PTPRD: variants seen among roughly 807,000 people sequenced by gnomAD.
PTPRD encodes the protein receptor-type tyrosine-protein phosphatase delta.
A neutral mutation model predicts 214.5 loss-of-function variants in PTPRD; 34 were observed. That is an observed-to-expected ratio of 0.16 (90% CI 0.12 to 0.21). PTPRD has a LOEUF of 0.21. Ranked by LOEUF, PTPRD falls within the 10% of genes least tolerant of loss-of-function variation. The pLI is 1.00. For missense variants in PTPRD, 2,545 were observed against 2,398.7 expected, an observed-to-expected ratio of 1.06 and a Z score of -1.27; for synonymous variants, 1,128 against 845.7, an observed-to-expected ratio of 1.33 and a Z score of -5.79.
intron 3 of PTPRD, among the ~76,000 whole-genome samples, chr9:10,241,898 A>C (rs910347173): frequency 1.3e-5 from 2 of 152,128 alleles, no homozygotes; most frequent in Non-Finnish European, 2.9e-5. Context: ...TAAGTTGTTA[A>C]GAAGTCAGCT....
chr9:9,639,396 T>A (rs1342750611), intron 7 of PTPRD, among the ~76,000 whole-genome samples: 2 of 152,206 alleles, frequency 1.3e-5, no homozygotes, highest in African/African-American at 4.8e-5. Flanking sequence ...ATTGTTTCCC[T>A]TTTAGCTTTG....
At chr9:9,531,072 A>G (rs997921952) in intron 8 of PTPRD, among the ~76,000 whole-genome samples, 1 of 152,188 alleles carries the variant, frequency 6.6e-6, no homozygotes, top group African/African-American at 2.4e-5. Flanking sequence ...TAAATGTTCA[A>G]AGTGATGTAC....
chr9:10,094,477 A>G (rs2098463173), intron 3 of PTPRD, among the ~76,000 whole-genome samples: 2 of 150,956 alleles, frequency 1.3e-5, no homozygotes, highest in South Asian at 4.1e-4. Context: ...CTAAGAAACC[A>G]GAGCAACATT....
intron 11 of PTPRD, among the ~76,000 whole-genome samples, chr9:8,904,319 T>A (rs2098692727): frequency 6.6e-6 from 1 of 152,228 alleles, no homozygotes; most frequent in Non-Finnish European, 1.5e-5. Context: ...TATATCCATA[T>A]TCAAATTTCC....
intron 10 of PTPRD, among the ~76,000 whole-genome samples, chr9:9,095,411 T>A (rs1229284119): frequency 6.6e-6 from 1 of 152,196 alleles, no homozygotes; most frequent in African/African-American, 2.4e-5. Context: ...AAAGTCAACA[T>A]ACAAAAATCA....
At chr9:9,792,696 A>G (rs1024457389) in intron 5 of PTPRD, among the ~76,000 whole-genome samples, 3 of 152,228 alleles carry the variant, frequency 2.0e-5, no homozygotes, top group Non-Finnish European at 4.4e-5. Context: ...AGTATAAATC[A>G]TAATAGCTCA....
chr9:10,030,617 TAAG>T (rs1178966944), intron 4 of PTPRD, among the ~76,000 whole-genome samples: 1 of 152,018 alleles, frequency 6.6e-6, no homozygotes, highest in Admixed American at 6.6e-5. Flanking sequence ...CTCAGGGAAA[TAAG>T]AAGGGTCAAA....
At chr9:8,448,168 A>T (rs949459200) in intron 34 of PTPRD, among the ~76,000 whole-genome samples, 3 of 148,078 alleles carry the variant, frequency 2.0e-5, no homozygotes, top group Non-Finnish European at 4.5e-5. Context: ...CCACAAAAAT[A>T]AAAAAAAAAA....
chr9:10,461,810 C>T (rs1027489140), intron 2 of PTPRD, among the ~76,000 whole-genome samples: 4 of 151,714 alleles, frequency 2.6e-5, no homozygotes, highest in East Asian at 1.9e-4. Context: ...TTAGTAGAGA[C>T]GGGGTTTAAC....
chr9:8,481,719 T>C (rs1045895913), intron 30 of PTPRD, among the ~76,000 whole-genome samples: 4 of 152,188 alleles, frequency 2.6e-5, no homozygotes, highest in Non-Finnish European at 4.4e-5. Context: ...AATGATTCTG[T>C]CTTCTTCCAC....
At chr9:9,504,516 C>G (rs1385146219) in intron 8 of PTPRD, among the ~76,000 whole-genome samples, 3 of 151,642 alleles carry the variant, frequency 2.0e-5, no homozygotes, top group African/African-American at 7.3e-5. Context: ...AGCACAATAC[C>G]TACCATGTGA....
intron 37 of PTPRD, among the ~76,000 whole-genome samples, chr9:8,380,349 C>A (rs73640904): frequency 6.6e-6 from 1 of 151,928 alleles, no homozygotes; most frequent in Non-Finnish European, 1.5e-5. Flanking sequence ...TCTATGTGGG[C>A]CCCAATGTCT....
At chr9:9,796,049 G>A (rs1322280878) in intron 5 of PTPRD, among the ~76,000 whole-genome samples, 1 of 151,710 alleles carries the variant, frequency 6.6e-6, no homozygotes, top group Admixed American at 6.6e-5. Context: ...AAATTTTAAG[G>A]TATTTTTCAG....
At chr9:8,903,564 G>C (rs1312441174) in intron 11 of PTPRD, among the ~76,000 whole-genome samples, 3 of 152,140 alleles carry the variant, frequency 2.0e-5, no homozygotes, top group Non-Finnish European at 4.4e-5. Context: ...AAGGATGAAT[G>C]TTGTTGCACT....
chr9:9,234,096 C>A (rs2099964959), intron 9 of PTPRD, among the ~76,000 whole-genome samples: 1 of 152,152 alleles, frequency 6.6e-6, no homozygotes, highest in African/African-American at 2.4e-5. Flanking sequence ...GGGCTCAGCC[C>A]CTGCAGCAAA....
chr9:9,908,013 T>G (rs2078084484), intron 5 of PTPRD, among the ~76,000 whole-genome samples: 1 of 151,756 alleles, frequency 6.6e-6, no homozygotes, highest in African/African-American at 2.4e-5. Context: ...GAGGACTATA[T>G]AGTATACAGT....
intron 9 of PTPRD, among the ~76,000 whole-genome samples, chr9:9,359,397 T>C (rs2055109050): frequency 6.6e-6 from 1 of 151,278 alleles, no homozygotes; most frequent in African/African-American, 2.4e-5. Context: ...TCAATTTCTA[T>C]AAAAATGTCC....
intron 8 of PTPRD, among the ~76,000 whole-genome samples, chr9:9,420,192 AATAACT>A (rs1016052693): frequency 1.6e-4 from 24 of 151,862 alleles, no homozygotes; most frequent in Admixed American, 2.6e-4. Context: ...TATTTTAGAA[AATAACT>A]ATAATTTTAA....
chr9:9,311,756 T>C (rs1959075271), intron 9 of PTPRD, among the ~76,000 whole-genome samples: 1 of 152,162 alleles, frequency 6.6e-6, no homozygotes, highest in Non-Finnish European at 1.5e-5. Flanking sequence ...TTAAATAGAA[T>C]ACAGAATCAC....
Sources: allele counts gnomAD v4.1 joint callset (sites outside exome capture counted in the v4.1 genomes callset), GRCh38; gene constraint gnomAD v4.1.1; transcripts MANE v1.5; gene names NCBI Gene and HGNC (gene_info 2026-07-23, HGNC 2026-07-21).